Variants in DESI1 observed in about 807,000 individuals in gnomAD.
DESI1 encodes the protein desumoylating isopeptidase 1, also known as PPPDE peptidase domain containing 2.
DESI1 carries 17 observed loss-of-function variants against 22.4 expected under a neutral mutation model. That is an observed-to-expected ratio of 0.76 (90% CI 0.52 to 1.14). The LOEUF (loss-of-function observed/expected upper bound fraction) is 1.14. DESI1 is among the 50% of genes most tolerant of loss of function. The probability of loss-of-function intolerance (pLI) is 0.00; values close to 1 mark genes in which losing one functional copy is unlikely to be tolerated. For synonymous variants in DESI1, 92 were observed against 84.2 expected (o/e 1.09, Z -0.51); for missense variants, 177 against 208.9 (o/e 0.85, Z 0.94).
intron 1 of DESI1, among the ~76,000 whole-genome samples, chr22:41,613,336 AT>A (rs918120626): frequency 2.6e-5 from 4 of 152,236 alleles, no homozygotes; most frequent in Non-Finnish European, 4.4e-5. Context: ...TACATGACAC[AT>A]GCGTAGCACA....
intron 5 of DESI1, chr22:41,602,831 G>C (rs945226859): frequency 1.9e-6 from 2 of 1,033,300 alleles, no homozygotes; most frequent in Non-Finnish European, 2.3e-6. Context: ...GGGAGTCAAA[G>C]AGTTCATGGT....
rs1170142106 is a variant in DESI1, at chr22:41,598,076, A to C, written c.*3021T>G. ...TTGCATTAGAAAAAACACCGAAGAAAACCAGCAAACACCTCCGTACTAGAC... is the reference window on the plus strand; with the variant it reads ...TTGCATTAGAAAAAACACCGAAGAACACCAGCAAACACCTCCGTACTAGAC... On this transcript the variant is annotated 3_prime_UTR_variant, in exon 6 of 6. Coordinates refer to ENST00000263256, the MANE Select transcript of DESI1 (RefSeq NM_015704.3). The C allele has an allele frequency of 6.6e-6, 1 of 152,174 alleles. No homozygotes were observed. Among genetic ancestry groups the C allele is most frequent in the African/African-American group, 2.4e-5 (1 of 41,420 alleles). The allele number at this position is 152,174 out of a possible 1,614,324, so 9.4% of individuals were successfully genotyped here. A position where few individuals can be genotyped will look rare whatever the true frequency, so the allele number is the denominator to read the frequency against.
At chr22:41,606,355 C>CAAAAA (rs57289024) in intron 3 of DESI1, among the ~76,000 whole-genome samples, 1 of 114,080 alleles carries the variant, frequency 8.8e-6, no homozygotes, top group Non-Finnish European at 1.9e-5. Context: ...GACCCCGTCT[C>CAAAAA]AAAAAAAAAA....
chr22:41,601,230 A>G lies in DESI1; in HGVS notation c.414-40T>C, dbSNP rs907622344. The G allele has an allele frequency of 5.1e-6, 8 of 1,560,278 alleles. No homozygotes were observed. In the Admixed American group the frequency reaches 1.5e-4, roughly 30 times the overall value. On this transcript the variant is annotated intron_variant, in intron 5 of 5. Transcript: ENST00000263256. Reference sequence around the variant, plus strand: ...AGACATGAGAGGGGTGGGCTCTGGGATGTGGCCTGCTGTCACACACCCTGT... The same window carrying G: ...AGACATGAGAGGGGTGGGCTCTGGGGTGTGGCCTGCTGTCACACACCCTGT...
At position 41,620,802 on chromosome 22, in the gene DESI1, A is replaced by T; in HGVS notation, c.38T>A (p.Val13Glu). ...GGCCAGGCCTTTGGACAGGTCGTAC[A>T]CGTAGAGCTTCACCGGATAGAGATT... Reference protein sequence around the residue: ...PPNLYPVKLYVYDLSKGLARR... With the variant: ...PPNLYPVKLYEYDLSKGLARR... The change falls in exon 1 of 6, where the codon GTG becomes GAG. Residue 13 changes from valine (V) to glutamate (E), a missense_variant. Val to Glu is a moderately radical substitution (Grantham distance 121). Coordinates refer to ENST00000263256, the MANE Select transcript of DESI1 (RefSeq NM_015704.3). 1 of 1,612,748 alleles carries T rather than the reference A, an allele frequency of 6.2e-7. No homozygotes were observed. The highest frequency in any genetic ancestry group is 8.5e-7 in the Non-Finnish European group (1 of 1,179,402).
chr22:41,620,714 C>T (rs2067584917), intron 1 of DESI1, 38 bp downstream of exon 1: 1 of 1,574,882 alleles, frequency 6.3e-7, no homozygotes, highest in Non-Finnish European at 8.6e-7. Context: ...TCTGGCCTGG[C>T]TCCCGCCCTC....
intron 5 of DESI1, 154 bp downstream of exon 5, chr22:41,603,105 G>T: frequency 8.7e-7 from 1 of 1,150,986 alleles, no homozygotes; most frequent in East Asian, 2.4e-5. Flanking sequence ...GCATCAGTGG[G>T]TGGAGAGAAT....
At chr22:41,615,674 T>C (rs1466960673) in intron 1 of DESI1, among the ~76,000 whole-genome samples, 1 of 152,230 alleles carries the variant, frequency 6.6e-6, no homozygotes, top group East Asian at 1.9e-4. Context: ...ATCATTTCTA[T>C]AATCAATACT....
intron 1 of DESI1, among the ~76,000 whole-genome samples, chr22:41,617,650 A>T (rs1319093230): frequency 6.6e-6 from 1 of 152,210 alleles, no homozygotes; most frequent in Non-Finnish European, 1.5e-5. Context: ...TTCTTCATTA[A>T]TTTTGCAAAA....
At chr22:41,606,236 G>A (rs551453167) in intron 3 of DESI1, among the ~76,000 whole-genome samples, 51 of 152,132 alleles carry the variant, frequency 3.4e-4, no homozygotes, top group African/African-American at 1.2e-3. Flanking sequence ...GTGGTGCTGA[G>A]TCCTAGCCAC....
chr22:41,619,359 A>C (rs1490355268), intron 1 of DESI1, among the ~76,000 whole-genome samples: 1 of 152,234 alleles, frequency 6.6e-6, no homozygotes, highest in African/African-American at 2.4e-5. Context: ...TATTATGTGT[A>C]TGTAATACAC....
rs1181852242 is a variant in DESI1, at chr22:41,598,208, T to C, written c.*2889A>G. ...CTCCTTCCCTATCCCTTTAAACCAA[T>C]GGACCTCTAGAGGTGTCCACTGTGC... On this transcript the variant is annotated 3_prime_UTR_variant, in exon 6 of 6. Coordinates refer to ENST00000263256, the MANE Select transcript of DESI1 (RefSeq NM_015704.3). 2.0e-5 allele frequency: 3 copies of C among 152,184 alleles called. No homozygotes were observed. Among genetic ancestry groups the C allele is most frequent in the Non-Finnish European group, 4.4e-5 (3 of 68,038 alleles). 9.4% of individuals were successfully genotyped at this position (152,184 alleles called of 1,614,324 possible).
intron 3 of DESI1, among the ~76,000 whole-genome samples, chr22:41,604,464 C>T (rs879291728): frequency 2.6e-5 from 4 of 152,012 alleles, no homozygotes; most frequent in Non-Finnish European, 5.9e-5. Flanking sequence ...TCAGGCTGGT[C>T]TCAAACTCCT....
Position 41,599,140 on chromosome 22 carries a change from G to A in DESI1, c.*1957C>T, listed in dbSNP as rs1233856741. The A allele has an allele frequency of 2.0e-5, 3 of 152,272 alleles. No homozygotes were observed. The highest frequency in any genetic ancestry group is 7.2e-5 in the African/African-American group (3 of 41,452). The allele number at this position is 152,272 out of a possible 1,614,324, so 9.4% of individuals were successfully genotyped here. ...CAGATGGGGCCAGAAATGAGCAGCA[G>A]CTTTTTGGAGAGGAAAGGCCTGTGC... On this transcript the variant is annotated 3_prime_UTR_variant, in exon 6 of 6. Transcript: ENST00000263256.
intron 1 of DESI1, among the ~76,000 whole-genome samples, chr22:41,615,108 C>G (rs1048365003): frequency 6.7e-5 from 10 of 148,450 alleles, no homozygotes; most frequent in Non-Finnish European, 1.3e-4. Flanking sequence ...TCCATCCTGG[C>G]TAACATGGTG....
chr22:41,609,858 C>T (rs1013601705), intron 1 of DESI1, among the ~76,000 whole-genome samples: 14 of 151,498 alleles, frequency 9.2e-5, no homozygotes, highest in East Asian at 3.9e-4. Flanking sequence ...GAGGCCGAGG[C>T]GGGCAGATCA....
At position 41,601,151 on chromosome 22, in the gene DESI1, A is replaced by T; in HGVS notation, c.453T>A (p.Ile151=). 1 of 1,613,206 alleles carries T rather than the reference A, an allele frequency of 6.2e-7. No homozygotes were observed. The highest frequency in any genetic ancestry group is 8.5e-7 in the Non-Finnish European group (1 of 1,179,792). Reference sequence around the variant, plus strand: ...AGCTCCCTCCTGGAGGCTGGATCTGAATGGAGTCCAGGAGGGGCCGAAGTG... The same window carrying T: ...AGCTCCCTCCTGGAGGCTGGATCTGTATGGAGTCCAGGAGGGGCCGAAGTG... ...GQALRPLLDS[I]QIQPPGGSSV... is the part of the protein sequence containing the mutation. Residue 151 remains isoleucine (I), a synonymous_variant, in exon 6 of 6, where the codon ATT becomes ATA. Coordinates refer to ENST00000263256, the MANE Select transcript of DESI1 (RefSeq NM_015704.3).
chr22:41,604,250 CTTTTTTTTTTTTTTT>C (rs1264626626), intron 3 of DESI1, 97 bp from the exon 4 acceptor site: 1 of 273,072 alleles, frequency 3.7e-6, no homozygotes, highest in Non-Finnish European at 6.3e-6. Context: ...TCTGTTCTGA[CTTTTTTTTTTTTTTT>C]TTTTTTTTAG....
chr22:41,601,202 C>CA lies in DESI1; in HGVS notation c.414-13dup, dbSNP rs779425176. 2.9e-5 allele frequency: 46 copies of CA among 1,601,682 alleles called. No individual in the cohort carries two copies. Among genetic ancestry groups the CA allele is most frequent in the Middle Eastern group, 3.8e-4 (2 of 5,294 alleles). On this transcript the variant is annotated splice_polypyrimidine_tract_variant and intron_variant, in intron 5 of 5. Coordinates refer to ENST00000263256, the MANE Select transcript of DESI1 (RefSeq NM_015704.3). ...CCTGTCCAAAGGGCCTGCAAGGAAA[C>CA]AGAGACATGAGAGGGGTGGGCTCTG...
Sources: gnomAD v4.1 joint callset for allele counts (sites outside exome capture counted in the v4.1 genomes callset) on GRCh38, gnomAD v4.1.1 for gene constraint, MANE v1.5 for transcripts, NCBI Gene and HGNC (gene_info 2026-07-23, HGNC 2026-07-21) for gene names.